Variants in USP54 observed in about 807,000 individuals in gnomAD.
USP54 encodes ubiquitin specific peptidase 54.
Under a neutral mutation model 170.5 loss-of-function variants are expected in USP54, and 87 were observed. The observed-to-expected ratio is 0.51, with a 90% CI of 0.43 to 0.61. The LOEUF is 0.61. Among genes scored for constraint, USP54 ranks in the 20% least tolerant of loss-of-function variants. The pLI, the probability that USP54 is intolerant of heterozygous loss-of-function variation, is 0.00. For missense variants in USP54, 1,786 were observed against 2,047.8 expected, an observed-to-expected ratio of 0.87 and a Z score of 2.47; for synonymous variants, 655 against 742.8, an observed-to-expected ratio of 0.88 and a Z score of 1.92.
intron 12 of USP54, among the ~76,000 whole-genome samples, chr10:73,532,562 T>C (rs766248837): frequency 7.9e-5 from 12 of 152,180 alleles, no homozygotes; most frequent in Non-Finnish European, 1.8e-4. Flanking sequence ...GCTTAGTTTA[T>C]CCTGTGGCTT....
intron 1 of USP54, among the ~76,000 whole-genome samples, chr10:73,621,965 C>A (rs1407780198): frequency 6.6e-6 from 1 of 152,152 alleles, no homozygotes; most frequent in Non-Finnish European, 1.5e-5. Flanking sequence ...CCTTCCAAGT[C>A]CCACCCAGAA....
rs183925386 is a variant in USP54 at position 73,598,499 on chromosome 10, G to A, written c.-17-22824C>T. On this transcript the variant is annotated intron_variant, in intron 1 of 22. Coordinates refer to the USP54 transcript ENST00000339859. ...TTCATCAAAATTAAAACTTTTGACC[G>A]GGCACAGTGGCTCACGCCTGTACTC... is the stretch of plus-strand genomic sequence containing the variant. 9.2e-5 allele frequency among the ~76,000 whole-genome samples: 14 copies of A among 152,196 alleles called. No homozygotes were observed. The East Asian group carries it at 2.3e-3, about 25-fold the overall frequency.
In USP54 at chr10:73,575,399, G is replaced by A. The variant is rs1190283124; in HGVS notation, c.147+113C>T. 4 of 1,222,154 alleles carry A rather than the reference G, an allele frequency of 3.3e-6. No individual in the cohort carries two copies. The East Asian group carries it at 8.3e-5, about 25-fold the overall frequency. 75.7% of individuals were successfully genotyped at this position (1,222,154 alleles called of 1,614,324 possible). A position where few individuals can be genotyped will look rare whatever the true frequency, so the allele number is the denominator to read the frequency against. ...CAGATAAATGTAAAAATTATCTCAG[G>A]TTACTAACCTCAAACAGAGACTATC... On this transcript the variant is annotated intron_variant, in intron 3 of 23. Coordinates refer to ENST00000687698, the MANE Select transcript of USP54 (RefSeq NM_001391956.1).
chr10:73,557,693 C>CCTCAA (rs1256409071), intron 4 of USP54, among the ~76,000 whole-genome samples: 4 of 151,748 alleles, frequency 2.6e-5, no homozygotes, highest in African/African-American at 9.7e-5. Context: ...ACCATGTTGG[C>CCTCAA]CAGGCTGGTC....
chr10:73,594,859 G>C (rs2078598270), upstream of USP54, among the ~76,000 whole-genome samples: 2 of 151,798 alleles, frequency 1.3e-5, no homozygotes, highest in Non-Finnish European at 2.9e-5. Flanking sequence ...CCATGAAGTA[G>C]ATGAAAAACA....
intron 4 of USP54, among the ~76,000 whole-genome samples, chr10:73,566,607 T>G (rs886816551): frequency 6.6e-6 from 1 of 151,764 alleles, no homozygotes; most frequent in Non-Finnish European, 1.5e-5. Context: ...GACGTGCACC[T>G]GTAATCCCAC....
chr10:73,584,285 G>A (rs541322979), intron 1 of USP54, among the ~76,000 whole-genome samples: 15 of 152,270 alleles, frequency 9.9e-5, no homozygotes, highest in African/African-American at 3.4e-4. Context: ...CTACTCGGGA[G>A]GCTGAGGCAG....
chr10:73,593,376 C>CA (rs772703814), upstream of USP54, among the ~76,000 whole-genome samples: 7,036 of 59,572 alleles, frequency 0.12, 311 homozygotes, highest in South Asian at 0.26. Flanking sequence ...GACCCTGTCT[C>CA]AAAAAAAAAA....
intron 4 of USP54, among the ~76,000 whole-genome samples, chr10:73,551,966 T>C (rs939171884): frequency 1.3e-5 from 2 of 152,196 alleles, no homozygotes; most frequent in Non-Finnish European, 2.9e-5. Context: ...ATATGGCATC[T>C]TGGAGAGAAT....
chr10:73,596,980 G>A (rs1483573351), intron 1 of USP54, among the ~76,000 whole-genome samples: 1 of 152,110 alleles, frequency 6.6e-6, no homozygotes, highest in Non-Finnish European at 1.5e-5. Context: ...AAGAAGGAAA[G>A]GAAATTCATG....
chr10:73,551,116 T>C (rs2069227047), intron 4 of USP54, among the ~76,000 whole-genome samples: 1 of 151,862 alleles, frequency 6.6e-6, no homozygotes, highest in Non-Finnish European at 1.5e-5. Context: ...AAAAAATAAA[T>C]TGTTTTTCCC....
chr10:73,583,809 A>C (rs1415251020), intron 1 of USP54, among the ~76,000 whole-genome samples: 1 of 152,122 alleles, frequency 6.6e-6, no homozygotes, highest in African/African-American at 2.4e-5. Context: ...AGGAAAAATA[A>C]TAATGGTAGG....
chr10:73,605,110 T>C (rs1031274497), intron 1 of USP54, among the ~76,000 whole-genome samples: 5 of 152,178 alleles, frequency 3.3e-5, no homozygotes, highest in East Asian at 3.9e-4. Context: ...AGAGCACTGA[T>C]TGCTGTGTTT....
intron 10 of USP54, among the ~76,000 whole-genome samples, 189 bp downstream of exon 10, chr10:73,539,255 G>A (rs2065990159): frequency 6.8e-6 from 1 of 146,112 alleles, no homozygotes; most frequent in African/African-American, 2.5e-5. Context: ...CTCCAACCTG[G>A]GTGACAGAGT....
intron 4 of USP54, among the ~76,000 whole-genome samples, chr10:73,548,737 G>A (rs1282967396): frequency 1.3e-5 from 2 of 152,158 alleles, no homozygotes; most frequent in Admixed American, 1.3e-4. Flanking sequence ...CGGGAGGTGG[G>A]GGGCTGAGGG....
At chr10:73,526,580 T>G in intron 16 of USP54, 67 bp downstream of exon 16, 1 of 1,596,960 alleles carries the variant, frequency 6.3e-7, no homozygotes, top group Non-Finnish European at 8.5e-7. Context: ...TGTGCTCAGG[T>G]AAGTCTGGTC....
intron 4 of USP54, among the ~76,000 whole-genome samples, chr10:73,566,503 C>T (rs1345360928): frequency 2.6e-5 from 4 of 151,826 alleles, no homozygotes; most frequent in East Asian, 2.0e-4. Context: ...GGGGCCGAGG[C>T]GGGTGGATCA....
intron 15 of USP54, 76 bp from the exon 16 acceptor site, chr10:73,526,856 C>A: frequency 6.8e-7 from 1 of 1,470,904 alleles, no homozygotes; most frequent in Non-Finnish European, 9.1e-7. Context: ...AAATCTCTCT[C>A]TCAAAAAAAA....
At chr10:73,543,587 C>T (rs2067090148) in intron 5 of USP54, among the ~76,000 whole-genome samples, 1 of 152,128 alleles carries the variant, frequency 6.6e-6, no homozygotes, top group African/African-American at 2.4e-5. Context: ...AGGATGGTCT[C>T]GATCTCCTGA....
Sources: allele counts gnomAD v4.1 joint callset (sites outside exome capture counted in the v4.1 genomes callset), GRCh38; gene constraint gnomAD v4.1.1; transcripts MANE v1.5; gene names NCBI Gene and HGNC (gene_info 2026-07-23, HGNC 2026-07-21).